Variants in NTAQ1 observed in about 807,000 individuals in gnomAD.
The protein encoded by NTAQ1 is protein N-terminal glutamine amidohydrolase.
In NTAQ1, 21 loss-of-function variants were observed where a neutral mutation model predicts 28.2. The ratio of observed to expected loss-of-function variants is 0.74; its 90% CI spans 0.53 to 1.07. The LOEUF (loss-of-function observed/expected upper bound fraction) is 1.07. Ranked by LOEUF, NTAQ1 falls within the 50% of genes least tolerant of loss-of-function variation. The pLI, the probability that NTAQ1 is intolerant of heterozygous loss-of-function variation, is 0.00. For missense variants in NTAQ1, 264 were observed against 256.6 expected, an observed-to-expected ratio of 1.03 and a Z score of -0.20; for synonymous variants, 105 against 90.0, an observed-to-expected ratio of 1.17 and a Z score of -0.94.
chr8:123,445,601 A>G (rs984887546), downstream of NTAQ1, among the ~76,000 whole-genome samples: 6 of 152,072 alleles, frequency 3.9e-5, no homozygotes, highest in African/African-American at 1.4e-4. Flanking sequence ...ATTTTTAAAA[A>G]TTTTTTAAGT....
intron 1 of NTAQ1, among the ~76,000 whole-genome samples, chr8:123,425,292 A>G (rs1273998358): frequency 4.0e-5 from 6 of 151,798 alleles, no homozygotes; most frequent in Non-Finnish European, 5.9e-5. Flanking sequence ...GAGTTTCACC[A>G]TATTGGCCAG....
chr8:123,440,794 C>T (rs1456315313), intron 5 of NTAQ1, among the ~76,000 whole-genome samples: 2 of 152,192 alleles, frequency 1.3e-5, no homozygotes, highest in Admixed American at 1.3e-4. Context: ...AGCCAACATG[C>T]TTGGCTCAGA....
At chr8:123,452,784 G>A (rs1206356648), downstream of NTAQ1, among the ~76,000 whole-genome samples, 1 of 151,962 alleles carries the variant, frequency 6.6e-6, no homozygotes, top group Admixed American at 6.6e-5. Context: ...GCGCATGCCT[G>A]TAATCCCAGC....
At chr8:123,449,951 A>ATGTGTGTG (rs1563902023), downstream of NTAQ1, among the ~76,000 whole-genome samples, 72 of 13,176 alleles carry the variant, frequency 5.5e-3, 10 homozygotes, top group African/African-American at 0.012. Context: ...GTGTGTGTGC[A>ATGTGTGTG]TATATATATA....
At position 123,420,347 on chromosome 8, in the gene NTAQ1, C is replaced by T. The variant is rs188384909; in HGVS notation, c.83+3415C>T. On this transcript the variant is annotated intron_variant, in intron 1 of 5. Transcript: ENST00000287387. ...ATAGGTGCCTAGGTTGATTCTACATCTTTGCTATCATGAATAGTGCTGTGA... is the reference window on the plus strand; with the variant it reads ...ATAGGTGCCTAGGTTGATTCTACATTTTTGCTATCATGAATAGTGCTGTGA... 6.6e-3 allele frequency among the ~76,000 whole-genome samples: 1,004 copies of T among 152,226 alleles called. 6 individuals are homozygous for T. Among genetic ancestry groups the T allele is most frequent in the Non-Finnish European group, 9.7e-3 (658 of 68,020 alleles).
At chr8:123,454,428 G>A (rs377495329) in intron 6 of NTAQ1, among the ~76,000 whole-genome samples, 5 of 152,206 alleles carry the variant, frequency 3.3e-5, no homozygotes, top group Non-Finnish European at 7.3e-5. Flanking sequence ...GAGTGCAATG[G>A]TGCGATCTCA....
rs1050163033 is a variant in NTAQ1, at chr8:123,429,997, A to G, written c.198A>G (p.Lys66=). The change falls in exon 3 of 6, where the codon AAA becomes AAG. Residue 66 remains lysine, a synonymous_variant. Transcript: ENST00000287387. The part of the protein sequence containing the change: ...SNERKMIPIW[K]QQARPGDGPV... Reference sequence around the variant, plus strand: ...GTATTTTGTAGATACCTATCTGGAAACAACAGGCGAGACCTGGAGATGGAC... The same window carrying G: ...GTATTTTGTAGATACCTATCTGGAAGCAACAGGCGAGACCTGGAGATGGAC... 6.2e-7 allele frequency: 1 copy of G among 1,612,808 alleles called. No individual in the cohort carries two copies. The highest frequency in any genetic ancestry group is 8.5e-7 in the Non-Finnish European group (1 of 1,179,348).
chr8:123,431,356 A>T lies in NTAQ1; in HGVS notation c.234+1323A>T, dbSNP rs1025944706. Among the ~76,000 whole-genome samples the T allele has an allele frequency of 2.5e-5, 3 of 119,034 alleles. No homozygotes were observed. In the Middle Eastern group the frequency reaches 0.013, roughly 513 times the overall value. 78.1% of individuals were successfully genotyped at this position (119,034 alleles called of 152,430 possible). ...CCATATCAAAAAAAAAAAAAAAAAA[A>T]ATAGAGTTTTTATGCTAATAAACAC... On this transcript the variant is annotated intron_variant, in intron 3 of 5. Coordinates refer to ENST00000287387, the MANE Select transcript of NTAQ1 (RefSeq NM_018024.3).
In NTAQ1 at chr8:123,427,962, A is replaced by C. The variant is rs768398291; in HGVS notation, c.122A>C (p.Asn41Thr). Residue 41 changes from asparagine (N) to threonine (T), a missense_variant, in exon 2 of 6, where the codon AAC becomes ACC. By Grantham distance (65) the Asn-to-Thr change is moderately conservative (BLOSUM62 0). Transcript: ENST00000287387. ...NIWKLCEYIK[N>T]HDQYPLEECY... ...TGGAAGCTCTGTGAATACATCAAAA[A>C]CCATGACCAGTATCCTTTAGAAGAA... is the stretch of plus-strand genomic sequence containing the variant. The C allele has an allele frequency of 6.2e-7, 1 of 1,611,456 alleles. No individual in the cohort carries two copies. Among genetic ancestry groups the C allele is most frequent in the Non-Finnish European group, 8.5e-7 (1 of 1,179,142 alleles).
At chr8:123,459,573 GA>G (rs1358726644) in intron 6 of NTAQ1, among the ~76,000 whole-genome samples, 1 of 151,784 alleles carries the variant, frequency 6.6e-6, no homozygotes, top group African/African-American at 2.4e-5. Context: ...CCCCTTATTA[GA>G]AAAAAAGATG....
At chr8:123,436,412 T>C in intron 3 of NTAQ1, 41 bp from the exon 4 acceptor site, 1 of 1,596,956 alleles carries the variant, frequency 6.3e-7, no homozygotes, top group South Asian at 1.1e-5. Flanking sequence ...ATTTCATCAT[T>C]ATGAAGTAAC....
chr8:123,431,206 G>A (rs1056431166), intron 3 of NTAQ1, among the ~76,000 whole-genome samples: 1 of 151,376 alleles, frequency 6.6e-6, no homozygotes, highest in East Asian at 2.0e-4. Context: ...GTGTGATGGC[G>A]TGTGCCTGTA....
downstream of NTAQ1, among the ~76,000 whole-genome samples, chr8:123,470,911 CTTTTTTCTTTTTT>C (rs869046604): frequency 2.0e-3 from 214 of 107,164 alleles, 1 homozygote; most frequent in South Asian, 0.013. Flanking sequence ...TTTCTCCTTC[CTTTTTTCTTTTTT>C]TTTTTTCTTT....
At chr8:123,428,755 C>T (rs897408794) in intron 2 of NTAQ1, among the ~76,000 whole-genome samples, 6 of 151,918 alleles carry the variant, frequency 3.9e-5, no homozygotes, top group East Asian at 1.9e-4. Context: ...TGTCCCACCA[C>T]GATGGCCGGC....
At chr8:123,446,847 GTGAT>G (rs1815312024), downstream of NTAQ1, among the ~76,000 whole-genome samples, 1 of 152,210 alleles carries the variant, frequency 6.6e-6, no homozygotes, top group African/African-American at 2.4e-5. Context: ...GACATCCTAA[GTGAT>G]TGGTTGGAGG....
chr8:123,463,616 A>T (rs1028752818), intron 6 of NTAQ1, among the ~76,000 whole-genome samples: 1 of 152,246 alleles, frequency 6.6e-6, no homozygotes, highest in African/African-American at 2.4e-5. Context: ...TTGACGTGGT[A>T]TACAGAATTC....
chr8:123,438,038 G>T, intron 5 of NTAQ1: 1 of 622,736 alleles, frequency 1.6e-6, no homozygotes, highest in South Asian at 1.9e-5. Flanking sequence ...TATGATGTGT[G>T]AAATGTCACT....
intron 1 of NTAQ1, among the ~76,000 whole-genome samples, chr8:123,419,926 T>C (rs1813576776): frequency 6.6e-6 from 1 of 152,064 alleles, no homozygotes; most frequent in South Asian, 2.1e-4. Context: ...CTTCCAACTT[T>C]TATTTTAGAT....
chr8:123,449,967 ATATATAT>A (rs1254143629), downstream of NTAQ1, among the ~76,000 whole-genome samples: 77 of 62,238 alleles, frequency 1.2e-3, 19 homozygotes, highest in Middle Eastern at 0.019. Flanking sequence ...ATATATATAT[ATATATAT>A]GCTGGATAAA....
Sources: gnomAD v4.1 joint callset for allele counts (sites outside exome capture counted in the v4.1 genomes callset) on GRCh38, gnomAD v4.1.1 for gene constraint, MANE v1.5 for transcripts, NCBI Gene and HGNC (gene_info 2026-07-23, HGNC 2026-07-21) for gene names.